Variants in ARHGAP12 observed in about 807,000 individuals in gnomAD.
ARHGAP12 encodes the protein rho GTPase-activating protein 12.
ARHGAP12 carries 64 observed loss-of-function variants against 108.6 expected under a neutral mutation model. The ratio of observed to expected loss-of-function variants is 0.59; its 90% CI spans 0.48 to 0.73. The LOEUF (loss-of-function observed/expected upper bound fraction) is 0.73, where lower values mean the gene tolerates loss of function less well. ARHGAP12 is among the 30% of genes least tolerant of loss of function. ARHGAP12 has a pLI of 0.00. For synonymous variants in ARHGAP12, 312 were observed against 337.2 expected, an observed-to-expected ratio of 0.93 and a Z score of 0.82; for missense variants, 940 against 1,005.9, an observed-to-expected ratio of 0.93 and a Z score of 0.89.
intron 12 of ARHGAP12, among the ~76,000 whole-genome samples, chr10:31,819,350 G>A (rs1835325345): frequency 6.6e-6 from 1 of 152,086 alleles, no homozygotes; most frequent in Non-Finnish European, 1.5e-5. Flanking sequence ...AACACAACAG[G>A]AAAGCCCTGA....
intron 3 of ARHGAP12, among the ~76,000 whole-genome samples, chr10:31,871,136 G>C (rs921829223): frequency 2.6e-5 from 4 of 152,290 alleles, no homozygotes; most frequent in Middle Eastern, 3.4e-3. Context: ...TGTTTAACAT[G>C]ATCTTTAAAG....
intron 3 of ARHGAP12, among the ~76,000 whole-genome samples, chr10:31,895,727 A>T (rs1433361056): frequency 6.6e-6 from 1 of 152,156 alleles, no homozygotes; most frequent in Non-Finnish European, 1.5e-5. Context: ...GACCCAGCCA[A>T]CCCATTACTG....
chr10:31,918,719 T>C (rs1284314894), intron 1 of ARHGAP12, among the ~76,000 whole-genome samples: 1 of 152,008 alleles, frequency 6.6e-6, no homozygotes, highest in East Asian at 1.9e-4. Context: ...TAAATAAATA[T>C]AACTAAATAA....
At chr10:31,835,720 A>G (rs1835991978) in intron 9 of ARHGAP12, among the ~76,000 whole-genome samples, 1 of 152,230 alleles carries the variant, frequency 6.6e-6, no homozygotes, top group Non-Finnish European at 1.5e-5. Context: ...TTAAAAATAT[A>G]GAATAAGTAA....
chr10:31,887,661 G>GT (rs574894424), intron 3 of ARHGAP12, among the ~76,000 whole-genome samples: 26,181 of 130,322 alleles, frequency 0.2, 2,859 homozygotes, highest in East Asian at 0.39. Flanking sequence ...TTTTTTTTTT[G>GT]TTTTTTTTTT....
At chr10:31,927,343 C>A (rs1840093267) in intron 1 of ARHGAP12, among the ~76,000 whole-genome samples, 1 of 152,222 alleles carries the variant, frequency 6.6e-6, no homozygotes, top group Admixed American at 6.5e-5. Flanking sequence ...AGTACACACA[C>A]ATCTAGGCCA....
chr10:31,911,484 T>C (rs1839346551), intron 1 of ARHGAP12, among the ~76,000 whole-genome samples: 1 of 121,740 alleles, frequency 8.2e-6, no homozygotes, highest in African/African-American at 2.6e-5. Flanking sequence ...TCTGCTAATT[T>C]TTGTATTTTT....
Position 31,817,788 on chromosome 10 carries a change from C to G in ARHGAP12, c.1731G>C (p.Gln577His), listed in dbSNP as rs747471058. The stretch of plus-strand genomic sequence containing the variant: ...AATTTTACCTAAGTCAACGACATAC[C>G]TGATTATTGATTGTACTACTAAGAA... ...FKVLSSTINN[Q>H]AVETDEGIEE... The change falls in exon 13 of 20, where the codon CAG (glutamine) becomes CAC (histidine). Residue 577 changes from glutamine (Q) to histidine (H), a missense_variant and splice_region_variant. Coordinates refer to ENST00000344936, the MANE Select transcript of ARHGAP12 (RefSeq NM_018287.7). The G allele has an allele frequency of 3.2e-6, 5 of 1,576,786 alleles. No homozygotes were observed. The highest frequency in any genetic ancestry group is 4.3e-6 in the Non-Finnish European group (5 of 1,163,324).
At chr10:31,870,416 G>C (rs1564401760) in intron 3 of ARHGAP12, among the ~76,000 whole-genome samples, 1 of 151,936 alleles carries the variant, frequency 6.6e-6, no homozygotes, top group African/African-American at 2.4e-5. Context: ...TTTTAGTAGA[G>C]ACTGGGTTTC....
intron 3 of ARHGAP12, among the ~76,000 whole-genome samples, chr10:31,862,153 T>G (rs1397868888): frequency 6.6e-6 from 1 of 152,224 alleles, no homozygotes; most frequent in East Asian, 1.9e-4. Context: ...GATTTCATAT[T>G]CTAAGCTCTA....
At chr10:31,924,350 AC>A (rs1290461386) in intron 1 of ARHGAP12, among the ~76,000 whole-genome samples, 12 of 152,238 alleles carry the variant, frequency 7.9e-5, no homozygotes, top group African/African-American at 2.9e-4. Flanking sequence ...AACAGTACAA[AC>A]CTCAAAAGAT....
In ARHGAP12 at chr10:31,809,102, T is replaced by C. The variant is rs1834923714; in HGVS notation, c.2155A>G (p.Lys719Glu). Residue 719 changes from lysine to glutamate, a missense_variant, in exon 18 of 20, where the codon AAA (lysine) becomes GAA (glutamate). By Grantham distance (56) the Lys-to-Glu change is moderately conservative. Coordinates refer to ENST00000344936, the MANE Select transcript of ARHGAP12 (RefSeq NM_018287.7). ...HDEKLDLNDS[K>E]WEDIHVITGA... ...GTAATGACATGAATATCTTCCCATT[T>C]ACTGTCATTCAAGTCCAATTTCTCA... The C allele has an allele frequency of 2.5e-6, 4 of 1,613,530 alleles. No individual in the cohort carries two copies. Among genetic ancestry groups the C allele is most frequent in the Middle Eastern group, 3.3e-4 (2 of 6,074 alleles).
chr10:31,849,603 T>C (rs1836595136), intron 6 of ARHGAP12, among the ~76,000 whole-genome samples: 1 of 152,214 alleles, frequency 6.6e-6, no homozygotes, highest in African/African-American at 2.4e-5. Context: ...TAACAATCCA[T>C]GAAATAGTGA....
chr10:31,856,550 G>C (rs188498506), intron 4 of ARHGAP12, among the ~76,000 whole-genome samples: 1 of 152,158 alleles, frequency 6.6e-6, no homozygotes, highest in African/African-American at 2.4e-5. Flanking sequence ...CTAGCCACAA[G>C]AGTCTTCATG....
intron 3 of ARHGAP12, among the ~76,000 whole-genome samples, chr10:31,894,288 G>C (rs1222874481): frequency 6.6e-6 from 1 of 152,084 alleles, no homozygotes; most frequent in East Asian, 1.9e-4. Flanking sequence ...TATTCAATTA[G>C]GAAAAGAGGA....
intron 1 of ARHGAP12, among the ~76,000 whole-genome samples, chr10:31,911,790 C>T (rs1468701076): frequency 6.6e-6 from 1 of 152,142 alleles, no homozygotes; most frequent in Non-Finnish European, 1.5e-5. Context: ...GCATGTTTCA[C>T]CTTAAGCAAT....
chr10:31,877,843 G>A (rs1171914495), intron 3 of ARHGAP12, among the ~76,000 whole-genome samples: 1 of 152,198 alleles, frequency 6.6e-6, no homozygotes, highest in Non-Finnish European at 1.5e-5. Flanking sequence ...TATAATTCCA[G>A]TACTTTGGGA....
At position 31,808,671 on chromosome 10, in the gene ARHGAP12, T is replaced by A; in HGVS notation, c.2344A>T (p.Ile782Phe). Residue 782 changes from isoleucine (I) to phenylalanine (F), a missense_variant, in exon 19 of 20, where the codon ATT becomes TTT. By Grantham distance (21) the Ile-to-Phe change is conservative. Coordinates refer to ENST00000344936, the MANE Select transcript of ARHGAP12 (RefSeq NM_018287.7). ...TACCTTCTGAGATGTCGGAAAAGAA[T>A]CTGCATTGTGTCTTGGTTTGGCTTT... ...LPKPNQDTMQ[I>F]LFRHLRRVIE... 1.2e-6 allele frequency: 2 copies of A among 1,613,764 alleles called. No individual in the cohort carries two copies. Among genetic ancestry groups the A allele is most frequent in the Non-Finnish European group, 1.7e-6 (2 of 1,179,698 alleles).
chr10:31,927,886 G>C (rs1427537517), intron 1 of ARHGAP12, among the ~76,000 whole-genome samples: 1 of 152,210 alleles, frequency 6.6e-6, no homozygotes, highest in Admixed American at 6.5e-5. Flanking sequence ...CAGCTCCCCT[G>C]AGATGGGAGG....
Sources: gnomAD v4.1 joint callset for allele counts (sites outside exome capture counted in the v4.1 genomes callset) on GRCh38, gnomAD v4.1.1 for gene constraint, MANE v1.5 for transcripts, NCBI Gene and HGNC (gene_info 2026-07-23, HGNC 2026-07-21) for gene names.